The following FAM227A variants were observed in gnomAD, a reference collection of about 807,000 sequenced individuals.
FAM227A encodes the protein family with sequence similarity 227 member A.
A neutral mutation model predicts 74.7 loss-of-function variants in FAM227A; 80 were observed. The ratio of observed to expected loss-of-function variants is 1.07; its 90% CI spans 0.89 to 1.29. The LOEUF (loss-of-function observed/expected upper bound fraction) is 1.29. FAM227A is among the 50% of genes most tolerant of loss of function. The probability of loss-of-function intolerance (pLI) is 0.00; values close to 1 mark genes in which losing one functional copy is unlikely to be tolerated. For missense variants in FAM227A, 654 were observed against 683.4 expected (o/e 0.96, Z 0.48); for synonymous variants, 237 against 241.8 (o/e 0.98, Z 0.19).
At chr22:38,589,167 G>T (rs1474160365) in intron 16 of FAM227A, among the ~76,000 whole-genome samples, 1 of 152,118 alleles carries the variant, frequency 6.6e-6, no homozygotes, top group Non-Finnish European at 1.5e-5. Flanking sequence ...GCCAGGTGAT[G>T]ACAGAGGCAG....
intron 1 of FAM227A, among the ~76,000 whole-genome samples, chr22:38,652,569 C>G: frequency 7.3e-6 from 1 of 136,890 alleles, no homozygotes; most frequent in Non-Finnish European, 1.5e-5. Context: ...GCCTGGGCGA[C>G]AGAGCGAGAC....
chr22:38,595,852 A>G (rs1350806431), intron 15 of FAM227A, among the ~76,000 whole-genome samples: 1 of 152,186 alleles, frequency 6.6e-6, no homozygotes, highest in Non-Finnish European at 1.5e-5. Context: ...TGTCCAGTGT[A>G]CAGAAAACAT....
rs148931970 is a variant in FAM227A, at chr22:38,596,962, G to A, written c.1532+242C>T. Among the ~76,000 whole-genome samples, 661 of 151,980 alleles carry A rather than the reference G, an allele frequency of 4.3e-3. 11 individuals carry two copies. Among genetic ancestry groups the A allele is most frequent in the African/African-American group, 0.016 (643 of 41,428 alleles). ...CTCTTGGTACTTTTATGTGGTTTCC[G>A]GGTCCTTTGTTTGCTTTCATTGAAC... On this transcript the variant is annotated intron_variant, in intron 15 of 16. Coordinates refer to ENST00000535113, the MANE Select transcript of FAM227A (RefSeq NM_001013647.2).
intron 11 of FAM227A, among the ~76,000 whole-genome samples, chr22:38,619,592 G>A (rs1424162531): frequency 6.6e-6 from 1 of 152,192 alleles, no homozygotes; most frequent in Non-Finnish European, 1.5e-5. Flanking sequence ...CCAAAGTATT[G>A]GGATTATAGG....
intron 6 of FAM227A, among the ~76,000 whole-genome samples, chr22:38,633,704 G>T (rs1170548860): frequency 6.6e-6 from 1 of 151,942 alleles, no homozygotes; most frequent in African/African-American, 2.4e-5. Flanking sequence ...ACCACGCCTG[G>T]CTAATTTTTG....
At chr22:38,617,405 C>CT (rs2091601695) in intron 11 of FAM227A, among the ~76,000 whole-genome samples, 1 of 150,860 alleles carries the variant, frequency 6.6e-6, no homozygotes, top group Non-Finnish European at 1.5e-5. Flanking sequence ...AAGCAAATCT[C>CT]TTGCCTCAGT....
Position 38,599,749 on chromosome 22 carries a change from C to T in FAM227A, c.1379+15G>A, listed in dbSNP as rs560021974. ...CCTGGAGCAGTGCGCACCCTGCCCA[C>T]AGTGACAAGGATATGGGGTGCTCGT... On this transcript the variant is annotated intron_variant, in intron 14 of 16. Coordinates refer to ENST00000535113, the MANE Select transcript of FAM227A (RefSeq NM_001013647.2). The T allele has an allele frequency of 1.3e-6, 2 of 1,547,696 alleles. No homozygotes were observed. Among genetic ancestry groups the T allele is most frequent in the African/African-American group, 1.4e-5 (1 of 73,028 alleles).
At position 38,581,017 on chromosome 22, in the gene FAM227A, G is replaced by C. The variant is rs945366594; in HGVS notation, c.*5108C>G. On this transcript the variant is annotated 3_prime_UTR_variant, in exon 17 of 17. Transcript: ENST00000535113. Reference sequence around the variant, plus strand: ...TGGTCTCAAACTCCTGACCTCAGGTGATCTGCCCACCTCGGCCTCCCAAAG... The same window carrying C: ...TGGTCTCAAACTCCTGACCTCAGGTCATCTGCCCACCTCGGCCTCCCAAAG... 6.6e-6 allele frequency: 1 copy of C among 152,216 alleles called. No individual in the cohort carries two copies. The highest frequency in any genetic ancestry group is 1.5e-5 in the Non-Finnish European group (1 of 68,052). The allele number at this position is 152,216 out of a possible 1,614,324, so 9.4% of individuals were successfully genotyped here.
chr22:38,650,528 C>T (rs769460279), intron 1 of FAM227A, among the ~76,000 whole-genome samples: 1 of 152,122 alleles, frequency 6.6e-6, no homozygotes, highest in Non-Finnish European at 1.5e-5. Context: ...AACTAGAATG[C>T]GGAAAAGGCC....
intron 9 of FAM227A, 45 bp downstream of exon 9, chr22:38,626,134 AT>A: frequency 6.5e-7 from 1 of 1,545,736 alleles, no homozygotes; most frequent in Non-Finnish European, 8.7e-7. Flanking sequence ...AGCGGAAAAC[AT>A]TTTTCTAGAA....
intron 3 of FAM227A, among the ~76,000 whole-genome samples, chr22:38,644,841 A>T (rs547379413): frequency 8.4e-4 from 128 of 152,212 alleles, no homozygotes; most frequent in Non-Finnish European, 1.5e-3. Flanking sequence ...TAATCCCAGC[A>T]CTTTGAGAGA....
At chr22:38,597,415 T>A (rs1243969254) in intron 14 of FAM227A, 59 bp from the exon 15 acceptor site, 11 of 1,510,298 alleles carry the variant, frequency 7.3e-6, no homozygotes, top group South Asian at 4.8e-5. Context: ...GCTGCATTAT[T>A]AGTGGCATGA....
Position 38,639,848 on chromosome 22 carries a change from G to C in FAM227A, c.226-124C>G, listed in dbSNP as rs115251351. The C allele has an allele frequency of 2.1e-3, 1,503 of 703,578 alleles. 21 individuals carry two copies. In the African/African-American group the frequency reaches 0.024, roughly 11 times the overall value. 43.6% of individuals were successfully genotyped at this position (703,578 alleles called of 1,614,324 possible). On this transcript the variant is annotated intron_variant, in intron 3 of 16. Coordinates refer to ENST00000535113, the MANE Select transcript of FAM227A (RefSeq NM_001013647.2). Reference sequence around the variant, plus strand: ...AGACCTGGAGCAAAGTTTGTGGACAGTGCCTTGTCTTTCCAGGTGGTAGGT... The same window carrying C: ...AGACCTGGAGCAAAGTTTGTGGACACTGCCTTGTCTTTCCAGGTGGTAGGT...
Position 38,583,089 on chromosome 22 carries a change from TGA to T in FAM227A, c.*3034_*3035del, listed in dbSNP as rs2090734792. 3.3e-6 allele frequency: 3 copies of T among 914,140 alleles called. No individual in the cohort carries two copies. The highest frequency in any genetic ancestry group is 1.7e-5 in the African/African-American group (1 of 60,132). 56.6% of individuals were successfully genotyped at this position (914,140 alleles called of 1,614,324 possible). On this transcript the variant is annotated 3_prime_UTR_variant, in exon 17 of 17. Coordinates refer to ENST00000535113, the MANE Select transcript of FAM227A (RefSeq NM_001013647.2). The stretch of plus-strand genomic sequence containing the variant: ...AGTGGCTGGGGTAGTAAAGGGAAGG[TGA>T]GAGAGTGTTCTGCTTATCTGCCCCA...
chr22:38,594,902 T>C (rs2091010947), intron 15 of FAM227A, among the ~76,000 whole-genome samples: 1 of 152,066 alleles, frequency 6.6e-6, no homozygotes, highest in Non-Finnish European at 1.5e-5. Flanking sequence ...ATCGAGACCA[T>C]CCTGGCTAAC....
At chr22:38,635,889 G>C (rs955776198) in intron 6 of FAM227A, among the ~76,000 whole-genome samples, 3 of 152,054 alleles carry the variant, frequency 2.0e-5, no homozygotes, top group African/African-American at 7.2e-5. Context: ...TATTCAGGAG[G>C]TTGAGGCGGG....
intron 10 of FAM227A, among the ~76,000 whole-genome samples, chr22:38,622,905 A>G (rs1310974864): frequency 1.3e-5 from 2 of 149,642 alleles, no homozygotes; most frequent in Non-Finnish European, 1.5e-5. Context: ...AAAAAGAGGC[A>G]GAGAGCCCAG....
At chr22:38,608,155 CAAA>C (rs35387385) in intron 11 of FAM227A, among the ~76,000 whole-genome samples, 139 of 76,864 alleles carry the variant, frequency 1.8e-3, no homozygotes, top group African/African-American at 6.2e-3. Context: ...CTTTTCTCTA[CAAA>C]AAAAAAAAAA....
chr22:38,628,836 G>A lies in FAM227A; in HGVS notation c.619C>T (p.Gln207Ter), dbSNP rs2091860226. ...GAAACAAGCAGATTTGTATTTACCT[G>A]GTACCTCTCATGAAATATCCACCAA... ...SFWWIFHERY[Q>*]PNKELQNNLF... Residue 207 changes from glutamine (Q) to a stop codon, truncating the protein, a stop_gained and splice_region_variant, in exon 7 of 17, where the codon CAG becomes TAG. Coordinates refer to ENST00000535113, the MANE Select transcript of FAM227A (RefSeq NM_001013647.2). LOFTEE classifies it high-confidence loss of function. The A allele has an allele frequency of 1.3e-6, 2 of 1,498,106 alleles. No individual in the cohort carries two copies. Among genetic ancestry groups the A allele is most frequent in the South Asian group, 1.2e-5 (1 of 81,302 alleles). The allele number at this position is 1,498,106 out of a possible 1,614,324, so 92.8% of individuals were successfully genotyped here.
Sources: allele counts gnomAD v4.1 joint callset (sites outside exome capture counted in the v4.1 genomes callset), GRCh38; gene constraint gnomAD v4.1.1; transcripts MANE v1.5; gene names NCBI Gene and HGNC (gene_info 2026-07-23, HGNC 2026-07-21).